The following DNAH5 variants were observed in gnomAD, a reference collection of about 807,000 sequenced individuals.
The protein encoded by DNAH5 is dynein axonemal heavy chain 5.
In DNAH5, 372 loss-of-function variants were observed where a neutral mutation model predicts 518.2. The ratio of observed to expected loss-of-function variants is 0.72; its 90% CI spans 0.66 to 0.78. The LOEUF (loss-of-function observed/expected upper bound fraction) is 0.78. DNAH5 is among the 30% of genes least tolerant of loss of function. DNAH5 has a pLI of 0.00. For missense variants in DNAH5, 5,523 were observed against 5,687.0 expected (o/e 0.97, Z 0.93); for synonymous variants, 2,039 against 2,025.9 (o/e 1.01, Z -0.17).
intron 35 of DNAH5, among the ~76,000 whole-genome samples, chr5:13,831,168 G>C (rs1763631399): frequency 6.6e-6 from 1 of 152,170 alleles, no homozygotes; most frequent in African/African-American, 2.4e-5. Flanking sequence ...CTGTGAAACA[G>C]ATCGGGATCC....
At chr5:13,911,303 G>A in intron 12 of DNAH5, 83 bp downstream of exon 12, 1 of 1,047,296 alleles carries the variant, frequency 9.5e-7, no homozygotes, top group South Asian at 1.3e-5. Flanking sequence ...TCTGCCTTCT[G>A]ATTGGGTAAT....
At chr5:13,881,971 T>C (rs960340815) in intron 21 of DNAH5, among the ~76,000 whole-genome samples, 5 of 151,784 alleles carry the variant, frequency 3.3e-5, no homozygotes, top group Admixed American at 2.6e-4. Context: ...GTAAATAAAA[T>C]CACAAATGAA....
At position 13,839,362 on chromosome 5, in the gene DNAH5, G is replaced by A. The variant is rs1168210700; in HGVS notation, c.5876C>T (p.Thr1959Ile). 1 of 1,613,856 alleles carries A rather than the reference G, an allele frequency of 6.2e-7. No individual in the cohort carries two copies. The highest frequency in any genetic ancestry group is 2.2e-5 in the East Asian group (1 of 44,884). ...CTDRLVITPL[T>I]DRCYITLAQA... The stretch of plus-strand genomic sequence containing the variant: ...GGGAGAAGGGTTCCATCACCTGTCT[G>A]TAAGTGGAGTTATTACAAGCCTGTC... Residue 1959 changes from threonine to isoleucine, a missense_variant, in exon 35 of 79, where the codon ACA becomes ATA. Physicochemically the swap from Thr to Ile is moderately conservative, Grantham distance 89. Transcript: ENST00000265104.
intron 65 of DNAH5, among the ~76,000 whole-genome samples, chr5:13,740,007 T>A (rs13188875): frequency 6.6e-6 from 1 of 152,020 alleles, no homozygotes; most frequent in Non-Finnish European, 1.5e-5. Context: ...AAACGTCTGA[T>A]CCTCCCTTCA....
Position 13,901,522 on chromosome 5 carries a change from C to A in DNAH5, c.1782G>T (p.Glu594Asp). 6.2e-7 allele frequency: 1 copy of A among 1,613,468 alleles called. No homozygotes were observed. The highest frequency in any genetic ancestry group is 1.1e-5 in the South Asian group (1 of 91,060). ...GIDDKYQLIL[E>D]NYGADIDMIS... ...TCATATCAATGTCAGCCCCATAGTTCTCAAGGATAAGTTGATATTTGTCAT... is the reference window on the plus strand; with the variant it reads ...TCATATCAATGTCAGCCCCATAGTTATCAAGGATAAGTTGATATTTGTCAT... Residue 594 changes from glutamate (E) to aspartate (D), a missense_variant, in exon 14 of 79, where the codon GAG becomes GAT. Glu to Asp is a conservative substitution (Grantham distance 45). Transcript: ENST00000265104.
In DNAH5 at chr5:13,721,067, C is replaced by A; in HGVS notation, c.12212G>T (p.Arg4071Leu). ...ALGKRLKIET[R>L]YVSMGQGQEV... Reference sequence around the variant, plus strand: ...CTGGCCCTGGCCCATGGACACATAACGGGTTTCTATTTTTAATCTCTTCCC... The same window carrying A: ...CTGGCCCTGGCCCATGGACACATAAAGGGTTTCTATTTTTAATCTCTTCCC... The change falls in exon 71 of 79, where the codon CGT becomes CTT. Residue 4071 changes from arginine (R) to leucine (L), a missense_variant. Physicochemically the swap from Arg to Leu is moderately radical, Grantham distance 102 (BLOSUM62 -2). Transcript: ENST00000265104. 6.2e-7 allele frequency: 1 copy of A among 1,614,100 alleles called. No individual in the cohort carries two copies. Among genetic ancestry groups the A allele is most frequent in the Non-Finnish European group, 8.5e-7 (1 of 1,179,986 alleles).
At chr5:13,788,117 G>C (rs1235769262) in intron 51 of DNAH5, among the ~76,000 whole-genome samples, 1 of 152,094 alleles carries the variant, frequency 6.6e-6, no homozygotes, top group African/African-American at 2.4e-5. Flanking sequence ...AATCACAAAA[G>C]CTTGCCCCAC....
chr5:13,933,667 G>C (rs1778632596), intron 1 of DNAH5, among the ~76,000 whole-genome samples: 1 of 151,670 alleles, frequency 6.6e-6, no homozygotes, highest in South Asian at 2.1e-4. Flanking sequence ...GCATGTGCCT[G>C]TAATCCCAGC....
At chr5:13,859,425 A>T in intron 30 of DNAH5, 27 bp downstream of exon 30, 3 of 1,613,666 alleles carry the variant, frequency 1.9e-6, no homozygotes, top group Non-Finnish European at 2.5e-6. Flanking sequence ...GAAAAATCTG[A>T]TGAAATCATA....
At chr5:13,823,911 T>G (rs1393419860) in intron 39 of DNAH5, among the ~76,000 whole-genome samples, 1 of 152,196 alleles carries the variant, frequency 6.6e-6, no homozygotes, top group Non-Finnish European at 1.5e-5. Flanking sequence ...AAGGTGAGAT[T>G]TGAGTTCTAA....
In DNAH5 at chr5:13,841,469, C is replaced by T. The variant is rs187059893; in HGVS notation, c.5484+223G>A. Among the ~76,000 whole-genome samples, 231 of 152,236 alleles carry T rather than the reference C, an allele frequency of 1.5e-3. 1 individual carries two copies. The highest frequency in any genetic ancestry group is 5.3e-3 in the African/African-American group (221 of 41,542). ...CCGTTTTAAATTAAAGACAATACAT[C>T]AAATATATCTATAACCCAAATACAC... On this transcript the variant is annotated intron_variant, in intron 33 of 78. Coordinates refer to ENST00000265104, the MANE Select transcript of DNAH5 (RefSeq NM_001369.3).
At chr5:13,773,883 T>G in intron 55 of DNAH5, among the ~76,000 whole-genome samples, 2 of 146,676 alleles carry the variant, frequency 1.4e-5, no homozygotes, top group Non-Finnish European at 1.5e-5. Flanking sequence ...TGGGGAGAAA[T>G]AGGAGGAGGA....
In DNAH5 at chr5:13,691,906, C is replaced by A; in HGVS notation, c.*78G>T. 5.7e-6 allele frequency: 9 copies of A among 1,573,820 alleles called. No individual in the cohort carries two copies. The South Asian group carries it at 1.0e-4, about 18-fold the overall frequency. The stretch of plus-strand genomic sequence containing the variant: ...AAACGACCTAACATACACTGTCCAG[C>A]AGTCATACAGAAATAAAGGTTACAA... On this transcript the variant is annotated 3_prime_UTR_variant, in exon 79 of 79. Transcript: ENST00000265104.
At chr5:13,901,903 G>GA (rs1335960435) in intron 13 of DNAH5, 150 bp downstream of exon 13, 3 of 645,572 alleles carry the variant, frequency 4.6e-6, no homozygotes, top group Non-Finnish European at 7.9e-6. Context: ...TTAATCCTCT[G>GA]AAAAACTTAA....
intron 1 of DNAH5, among the ~76,000 whole-genome samples, chr5:13,943,131 G>T (rs766697072): frequency 8.5e-5 from 13 of 152,162 alleles, no homozygotes; most frequent in Non-Finnish European, 1.3e-4. Flanking sequence ...TTATACCTGA[G>T]ATTTTATCAT....
intron 21 of DNAH5, among the ~76,000 whole-genome samples, chr5:13,881,026 T>C (rs1771601465): frequency 6.6e-6 from 1 of 151,800 alleles, no homozygotes; most frequent in East Asian, 1.9e-4. Flanking sequence ...CAAAATAGAC[T>C]TAACATCAAA....
intron 1 of DNAH5, among the ~76,000 whole-genome samples, chr5:13,961,569 G>A (rs531614808): frequency 2.0e-5 from 3 of 152,090 alleles, no homozygotes; most frequent in South Asian, 2.1e-4. Flanking sequence ...ACTTGAACCC[G>A]GGAGGCAGAG....
chr5:13,881,599 A>G (rs1443180656), intron 21 of DNAH5, among the ~76,000 whole-genome samples: 1 of 152,134 alleles, frequency 6.6e-6, no homozygotes, highest in African/African-American at 2.4e-5. Flanking sequence ...CAAAGAAGTA[A>G]TTAGATGACA....
chr5:13,845,263 T>C, intron 31 of DNAH5, among the ~76,000 whole-genome samples: 1 of 152,012 alleles, frequency 6.6e-6, no homozygotes, highest in Non-Finnish European at 1.5e-5. Flanking sequence ...TTTTGCACAG[T>C]CTGGAAAATC....
Sources: allele counts gnomAD v4.1 joint callset (sites outside exome capture counted in the v4.1 genomes callset), GRCh38; gene constraint gnomAD v4.1.1; transcripts MANE v1.5; gene names NCBI Gene and HGNC (gene_info 2026-07-23, HGNC 2026-07-21).